GULP1: variants seen among roughly 807,000 people sequenced by gnomAD.
GULP1 encodes the protein PTB domain-containing engulfment adapter protein 1.
A neutral mutation model predicts 40.9 loss-of-function variants in GULP1; 19 were observed. The observed-to-expected ratio is 0.46, with a 90% CI of 0.32 to 0.68. The LOEUF (loss-of-function observed/expected upper bound fraction) is 0.68, where lower values mean the gene tolerates loss of function less well. Among genes scored for constraint, GULP1 ranks in the 30% least tolerant of loss-of-function variants. The pLI, the probability that GULP1 is intolerant of heterozygous loss-of-function variation, is 0.03. For missense variants in GULP1, 312 were observed against 362.2 expected (o/e 0.86, Z 1.12); for synonymous variants, 119 against 117.6 (o/e 1.01, Z -0.08).
intron 2 of GULP1, among the ~76,000 whole-genome samples, chr2:188,416,090 T>C (rs1202513121): frequency 6.6e-6 from 1 of 152,188 alleles, no homozygotes; most frequent in Non-Finnish European, 1.5e-5. Flanking sequence ...TAAATTTATC[T>C]TTCTAGCATT....
intron 1 of GULP1, among the ~76,000 whole-genome samples, chr2:188,312,611 G>T (rs1225607842): frequency 6.6e-6 from 1 of 152,118 alleles, no homozygotes; most frequent in Non-Finnish European, 1.5e-5. Flanking sequence ...AAACATATGT[G>T]TGCATGTGTC....
At chr2:188,538,717 G>GTGTGTA (rs1299606037) in intron 6 of GULP1, among the ~76,000 whole-genome samples, 1 of 151,036 alleles carries the variant, frequency 6.6e-6, no homozygotes, top group African/African-American at 2.4e-5. Flanking sequence ...GTGTGTGTGT[G>GTGTGTA]TGTAGTGAGA....
chr2:188,586,238 G>T (rs572171289), intron 10 of GULP1, among the ~76,000 whole-genome samples: 1 of 152,260 alleles, frequency 6.6e-6, no homozygotes, highest in South Asian at 2.1e-4. Flanking sequence ...CAGAGAAATA[G>T]AGATTATATA....
At chr2:188,458,299 A>G (rs570893740) in intron 2 of GULP1, among the ~76,000 whole-genome samples, 9 of 152,172 alleles carry the variant, frequency 5.9e-5, no homozygotes, top group Non-Finnish European at 1.3e-4. Flanking sequence ...TCCTGTTAAC[A>G]TAATTTTCCA....
intron 1 of GULP1, among the ~76,000 whole-genome samples, chr2:188,374,388 A>G (rs1006645656): frequency 6.6e-6 from 1 of 152,158 alleles, no homozygotes. Flanking sequence ...CAGTTAAGCC[A>G]AAGAATATGC....
At chr2:188,363,998 T>C (rs2046417618) in intron 1 of GULP1, among the ~76,000 whole-genome samples, 1 of 152,194 alleles carries the variant, frequency 6.6e-6, no homozygotes, top group Non-Finnish European at 1.5e-5. Context: ...AAAAGGTAAA[T>C]TAAAATCTTC....
chr2:188,340,855 G>T (rs13014162), intron 1 of GULP1, among the ~76,000 whole-genome samples: 2 of 151,858 alleles, frequency 1.3e-5, no homozygotes, highest in African/African-American at 2.4e-5. Context: ...TATTCTTCCC[G>T]TGAAGAACAG....
intron 7 of GULP1, among the ~76,000 whole-genome samples, chr2:188,546,149 C>T (rs1415623090): frequency 1.3e-5 from 2 of 151,916 alleles, no homozygotes; most frequent in African/African-American, 2.4e-5. Context: ...TTTACTGGCA[C>T]TTTCCCTCAA....
At chr2:188,512,259 C>G (rs982792233) in intron 4 of GULP1, among the ~76,000 whole-genome samples, 1 of 151,782 alleles carries the variant, frequency 6.6e-6, no homozygotes, top group Non-Finnish European at 1.5e-5. Context: ...AAGATATATA[C>G]GCATTTTTAA....
chr2:188,327,657 C>G (rs935733964), intron 1 of GULP1, among the ~76,000 whole-genome samples: 2 of 152,110 alleles, frequency 1.3e-5, no homozygotes, highest in African/African-American at 2.4e-5. Context: ...CTGTGCACTT[C>G]TACTCCTATT....
chr2:188,378,446 G>T (rs2048582057), intron 1 of GULP1, among the ~76,000 whole-genome samples: 1 of 152,106 alleles, frequency 6.6e-6, no homozygotes, highest in African/African-American at 2.4e-5. Flanking sequence ...ATTGTACGTT[G>T]TCTTTGTATT....
At chr2:188,441,487 G>A (rs1253315521) in intron 2 of GULP1, among the ~76,000 whole-genome samples, 1 of 152,098 alleles carries the variant, frequency 6.6e-6, no homozygotes, top group Admixed American at 6.5e-5. Context: ...ATTCCACAGT[G>A]CTAGGACTCT....
intron 4 of GULP1, among the ~76,000 whole-genome samples, chr2:188,505,134 A>G (rs1031721404): frequency 2.0e-5 from 3 of 151,812 alleles, no homozygotes; most frequent in East Asian, 1.9e-4. Flanking sequence ...TCAGCAAAAT[A>G]CCCTTTGTCT....
intron 2 of GULP1, among the ~76,000 whole-genome samples, chr2:188,457,069 C>T (rs1052272372): frequency 6.6e-6 from 1 of 152,130 alleles, no homozygotes; most frequent in Admixed American, 6.5e-5. Flanking sequence ...TTCATTGTAT[C>T]TAGGAAGTAA....
chr2:188,337,078 ATATATCTGTATCTATATCTATATC>A (rs2042355067), intron 1 of GULP1, among the ~76,000 whole-genome samples: 3 of 145,636 alleles, frequency 2.1e-5, no homozygotes, highest in African/African-American at 7.7e-5. Flanking sequence ...TCTCCTATAA[ATATATCTGTATCTATATCTATATC>A]TATATCTATA....
chr2:188,438,280 G>A lies in GULP1; in HGVS notation c.-44-39379G>A, dbSNP rs796103927. On this transcript the variant is annotated intron_variant, in intron 2 of 11. Coordinates refer to ENST00000409830, the MANE Select transcript of GULP1 (RefSeq NM_016315.4). Reference sequence around the variant, plus strand: ...CATTTCATCTTCCAACATCTTATTGGCCAATGCAGTCGCATGCCCAATTTC... The same window carrying A: ...CATTTCATCTTCCAACATCTTATTGACCAATGCAGTCGCATGCCCAATTTC... 1.3e-4 allele frequency among the ~76,000 whole-genome samples: 19 copies of A among 151,790 alleles called. 1 individual carries two copies. The highest frequency in any genetic ancestry group is 4.6e-4 in the African/African-American group (19 of 41,426).
At chr2:188,563,370 A>G (rs1037014428) in intron 7 of GULP1, among the ~76,000 whole-genome samples, 1 of 151,526 alleles carries the variant, frequency 6.6e-6, no homozygotes, top group East Asian at 1.9e-4. Context: ...TAAATATTAT[A>G]TAACTATTAT....
At chr2:188,447,810 A>G (rs2058518759) in intron 2 of GULP1, among the ~76,000 whole-genome samples, 1 of 152,180 alleles carries the variant, frequency 6.6e-6, no homozygotes, top group Non-Finnish European at 1.5e-5. Flanking sequence ...TACTCTGTGA[A>G]CCTGCTGGTT....
At chr2:188,462,465 T>G (rs1331657755) in intron 2 of GULP1, among the ~76,000 whole-genome samples, 1 of 152,168 alleles carries the variant, frequency 6.6e-6, no homozygotes, top group Non-Finnish European at 1.5e-5. Context: ...AGATTAAATT[T>G]GAATTTTCTT....
Sources: gnomAD v4.1 joint callset for allele counts (sites outside exome capture counted in the v4.1 genomes callset) on GRCh38, gnomAD v4.1.1 for gene constraint, MANE v1.5 for transcripts, NCBI Gene and HGNC (gene_info 2026-07-23, HGNC 2026-07-21) for gene names.